The following CAMK4 variants were observed in gnomAD, a reference collection of about 807,000 sequenced individuals.
CAMK4 encodes calcium/calmodulin-dependent protein kinase type IV.
Under a neutral mutation model 44.9 loss-of-function variants are expected in CAMK4, and 22 were observed. The ratio of observed to expected loss-of-function variants is 0.49; its 90% confidence interval spans 0.35 to 0.70. CAMK4 has a LOEUF of 0.70. Among genes scored for constraint, CAMK4 ranks in the 30% least tolerant of loss-of-function variants. CAMK4 has a pLI of 0.01. For missense variants in CAMK4, 498 were observed against 586.8 expected, an observed-to-expected ratio of 0.85 and a Z score of 1.56; for synonymous variants, 218 against 215.4, an observed-to-expected ratio of 1.01 and a Z score of -0.11.
upstream of CAMK4, chr5:111,224,320 G>C (rs925115899): frequency 7.5e-6 from 8 of 1,064,164 alleles, no homozygotes; most frequent in Non-Finnish European, 6.1e-6. This position sits in a 1 kb window ranked among gnomAD's most constrained non-coding sequence, Gnocchi z 5.7. Context: ...CCCCTTCCCC[G>C]CCCACCGTCC....
intron 5 of CAMK4, among the ~76,000 whole-genome samples, chr5:111,407,611 AAACAAC>A (rs1319221087): frequency 6.6e-6 from 1 of 152,208 alleles, no homozygotes; most frequent in East Asian, 1.9e-4. Context: ...TATCTTAAAC[AAACAAC>A]AACAACAAAA....
intron 1 of CAMK4, among the ~76,000 whole-genome samples, chr5:111,303,653 C>T (rs1442008359): frequency 1.4e-5 from 2 of 141,156 alleles, no homozygotes; most frequent in Admixed American, 7.6e-5. Flanking sequence ...AGAATGGAAC[C>T]AAGTTGGAAA....
chr5:111,332,935 G>A (rs920610437), intron 1 of CAMK4, among the ~76,000 whole-genome samples: 7 of 151,592 alleles, frequency 4.6e-5, no homozygotes, highest in Non-Finnish European at 1.0e-4. Flanking sequence ...GTAAAATGTG[G>A]TATATTCGTT....
chr5:111,268,362 G>C (rs1247866999), intron 1 of CAMK4, among the ~76,000 whole-genome samples: 1 of 152,124 alleles, frequency 6.6e-6, no homozygotes, highest in Admixed American at 6.5e-5. Context: ...ATTCATTTTG[G>C]AATAGCACAT....
chr5:111,374,722 C>A, intron 2 of CAMK4, 128 bp from the exon 3 acceptor site: 1 of 640,142 alleles, frequency 1.6e-6, no homozygotes. Context: ...GAAGGAGACA[C>A]ACAAAAGCTA....
intron 5 of CAMK4, among the ~76,000 whole-genome samples, chr5:111,428,603 A>G (rs571280484): frequency 9.2e-5 from 14 of 152,362 alleles, no homozygotes; most frequent in South Asian, 8.3e-4. Context: ...TGAAGAATGC[A>G]TCAGAATCCT....
At chr5:111,401,630 A>G (rs1031414561) in intron 5 of CAMK4, among the ~76,000 whole-genome samples, 1 of 152,226 alleles carries the variant, frequency 6.6e-6, no homozygotes, top group African/African-American at 2.4e-5. Flanking sequence ...CTCACTCTCT[A>G]AAACAGAAAC....
At chr5:111,245,244 A>T (rs956263743) in intron 1 of CAMK4, among the ~76,000 whole-genome samples, 8 of 152,274 alleles carry the variant, frequency 5.3e-5, no homozygotes, top group African/African-American at 1.9e-4. Context: ...ATTTGCATTA[A>T]ATACATATTC....
chr5:111,480,052 C>A (rs182173895), intron 9 of CAMK4, among the ~76,000 whole-genome samples: 1 of 151,858 alleles, frequency 6.6e-6, no homozygotes, highest in African/African-American at 2.4e-5. Context: ...ATCTACATGA[C>A]GCTGCCTGGT....
chr5:111,252,337 A>T (rs1458885818), intron 1 of CAMK4, among the ~76,000 whole-genome samples: 2 of 152,138 alleles, frequency 1.3e-5, no homozygotes, highest in Admixed American at 1.3e-4. Context: ...ATAACCATAA[A>T]CCATGGGGTG....
chr5:111,438,952 G>C (rs1469546753), intron 5 of CAMK4, among the ~76,000 whole-genome samples: 1 of 152,116 alleles, frequency 6.6e-6, no homozygotes, highest in African/African-American at 2.4e-5. Context: ...TAACAACCTG[G>C]GGTCTGCATC....
chr5:111,318,155 A>C (rs1168410967), intron 1 of CAMK4, among the ~76,000 whole-genome samples: 1 of 152,146 alleles, frequency 6.6e-6, no homozygotes, highest in Non-Finnish European at 1.5e-5. Context: ...TAAATGCATT[A>C]GGAGGAAGTG....
intron 2 of CAMK4, among the ~76,000 whole-genome samples, chr5:111,357,474 G>A (rs1358435163): frequency 6.6e-6 from 1 of 152,088 alleles, no homozygotes; most frequent in African/African-American, 2.4e-5. Flanking sequence ...AGGGAAAAAT[G>A]TGTTAATAAA....
intron 5 of CAMK4, among the ~76,000 whole-genome samples, chr5:111,422,713 T>C (rs1357937548): frequency 6.6e-6 from 1 of 152,230 alleles, no homozygotes; most frequent in Non-Finnish European, 1.5e-5. Flanking sequence ...ACCCTCTCTT[T>C]CCTTCACCTA....
At chr5:111,267,875 T>G (rs888330938) in intron 1 of CAMK4, among the ~76,000 whole-genome samples, 2 of 152,224 alleles carry the variant, frequency 1.3e-5, no homozygotes, top group Non-Finnish European at 2.9e-5. Flanking sequence ...ACATATAGTG[T>G]GCATAGTGTA....
At chr5:111,420,339 G>T (rs905569428) in intron 5 of CAMK4, among the ~76,000 whole-genome samples, 1 of 151,934 alleles carries the variant, frequency 6.6e-6, no homozygotes, top group Non-Finnish European at 1.5e-5. Context: ...GAGATTTTGG[G>T]GTGAGACAAT....
intron 2 of CAMK4, among the ~76,000 whole-genome samples, chr5:111,364,750 G>A (rs912044739): frequency 3.9e-5 from 6 of 152,164 alleles, no homozygotes; most frequent in East Asian, 3.9e-4. Flanking sequence ...CTTAGAGTCT[G>A]CAGGGAATAG....
intron 5 of CAMK4, among the ~76,000 whole-genome samples, chr5:111,409,910 G>T (rs906332378): frequency 6.6e-6 from 1 of 152,076 alleles, no homozygotes; most frequent in Non-Finnish European, 1.5e-5. Flanking sequence ...CAACATTTTA[G>T]TCAAAGCAAT....
intron 7 of CAMK4, among the ~76,000 whole-genome samples, chr5:111,470,550 C>G (rs914570774): frequency 7.2e-5 from 11 of 152,146 alleles, no homozygotes; most frequent in African/African-American, 2.4e-4. Context: ...GCATCAAGGT[C>G]AAGAGACTTT....
Sources: gnomAD v4.1 joint callset for allele counts (sites outside exome capture counted in the v4.1 genomes callset) on GRCh38, gnomAD v4.1.1 for gene constraint, Gnocchi (gnomAD v3.1) non-coding constraint, MANE v1.5 for transcripts, NCBI Gene and HGNC (gene_info 2026-07-23, HGNC 2026-07-21) for gene names.